The following ERBB4 variants were observed in gnomAD, a reference collection of about 807,000 sequenced individuals.
ERBB4 encodes erb-b2 receptor tyrosine kinase 4.
In ERBB4, 42 loss-of-function variants were observed where a neutral mutation model predicts 158.0. That is an observed-to-expected ratio of 0.27 (90% CI 0.21 to 0.34). The LOEUF is 0.34. Among genes scored for constraint, ERBB4 ranks in the 10% least tolerant of loss-of-function variants. The pLI, the probability that ERBB4 is intolerant of heterozygous loss-of-function variation, is 1.00. For missense variants in ERBB4, 1,333 were observed against 1,624.1 expected, an observed-to-expected ratio of 0.82 and a Z score of 3.08; for synonymous variants, 583 against 558.7, an observed-to-expected ratio of 1.04 and a Z score of -0.61.
At chr2:211,876,194 C>A (rs2106131867) in intron 3 of ERBB4, among the ~76,000 whole-genome samples, 1 of 152,162 alleles carries the variant, frequency 6.6e-6, no homozygotes, top group South Asian at 2.1e-4. Context: ...TCACATTTTG[C>A]CAAAATATTG....
intron 16 of ERBB4, among the ~76,000 whole-genome samples, chr2:211,648,186 T>C (rs1253959300): frequency 6.6e-6 from 1 of 151,848 alleles, no homozygotes; most frequent in Non-Finnish European, 1.5e-5. Flanking sequence ...ATTTTCCTCA[T>C]AAAATTTGTT....
intron 1 of ERBB4, among the ~76,000 whole-genome samples, chr2:212,161,009 A>G (rs2081187867): frequency 6.6e-6 from 1 of 152,140 alleles, no homozygotes; most frequent in African/African-American, 2.4e-5. Flanking sequence ...AGAAAGAAAA[A>G]TATGCATCAC....
chr2:212,269,872 A>C (rs998650765), intron 1 of ERBB4, among the ~76,000 whole-genome samples: 1 of 151,804 alleles, frequency 6.6e-6, no homozygotes, highest in African/African-American at 2.4e-5. Context: ...TTCTCTGTCC[A>C]TAATTAGGCT....
chr2:212,502,853 C>T (rs1472891762), intron 1 of ERBB4, among the ~76,000 whole-genome samples: 6 of 152,142 alleles, frequency 3.9e-5, no homozygotes, highest in Non-Finnish European at 1.5e-5. Context: ...TCAGTGCAGC[C>T]TCAACCTCCT....
At chr2:212,368,245 C>A (rs1380778160) in intron 1 of ERBB4, among the ~76,000 whole-genome samples, 1 of 152,062 alleles carries the variant, frequency 6.6e-6, no homozygotes, top group Non-Finnish European at 1.5e-5. Flanking sequence ...ACTACAGAGC[C>A]ATAAAAAGGA....
chr2:211,599,513 C>G (rs78744991), intron 19 of ERBB4, among the ~76,000 whole-genome samples: 8,005 of 140,862 alleles, frequency 0.057, 774 homozygotes, highest in African/African-American at 0.2. Flanking sequence ...ATAATTTCTT[C>G]TGTGTGTGTG....
chr2:212,331,894 T>C (rs1451598023), intron 1 of ERBB4, among the ~76,000 whole-genome samples: 1 of 152,184 alleles, frequency 6.6e-6, no homozygotes, highest in South Asian at 2.1e-4. Flanking sequence ...AATTCAATAT[T>C]TAAGCAGAAT....
At chr2:212,524,035 C>G (rs1467358640) in intron 1 of ERBB4, among the ~76,000 whole-genome samples, 1 of 151,942 alleles carries the variant, frequency 6.6e-6, no homozygotes, top group East Asian at 1.9e-4. Flanking sequence ...ACAGCCCTCC[C>G]TAGCTATTGA....
chr2:212,427,938 G>A lies in ERBB4; in HGVS notation c.82+110511C>T, dbSNP rs1002581295. Among the ~76,000 whole-genome samples the A allele has an allele frequency of 1.1e-4, 16 of 152,132 alleles. 1 individual carries two copies. The highest frequency in any genetic ancestry group is 2.4e-4 in the Non-Finnish European group (16 of 68,018). ...AATGCAAATTCTGCAAGCTTCACTT[G>A]CATAGATCTGATCATTTTTTAAAGT... On this transcript the variant is annotated intron_variant, in intron 1 of 27. Transcript: ENST00000342788.
chr2:212,144,872 T>A (rs2080612099), intron 1 of ERBB4, among the ~76,000 whole-genome samples: 2 of 152,208 alleles, frequency 1.3e-5, no homozygotes, highest in African/African-American at 2.4e-5. Flanking sequence ...GCAAAATTTT[T>A]AAAAGATGTT....
chr2:212,259,752 G>A (rs777117513), intron 1 of ERBB4, among the ~76,000 whole-genome samples: 33 of 152,144 alleles, frequency 2.2e-4, no homozygotes, highest in Non-Finnish European at 4.3e-4. Context: ...TTCTACCGAT[G>A]GAAAGAATAA....
rs528378017 is a variant in ERBB4 at position 211,655,305 on chromosome 2, C to T, written c.1946+2449G>A. On this transcript the variant is annotated intron_variant, in intron 16 of 27. Coordinates refer to ENST00000342788, the MANE Select transcript of ERBB4 (RefSeq NM_005235.3). ...ACCTCTCTCCTTCCCCCGGGAAGCA[C>T]GTTCTCTCACCCTCAAGGTTTGAGA... 3.9e-5 allele frequency among the ~76,000 whole-genome samples: 6 copies of T among 152,236 alleles called. No homozygotes were observed. In the South Asian group the frequency reaches 6.2e-4, roughly 16 times the overall value.
At chr2:211,829,263 T>C (rs917538861) in intron 3 of ERBB4, among the ~76,000 whole-genome samples, 3 of 152,156 alleles carry the variant, frequency 2.0e-5, no homozygotes, top group Non-Finnish European at 4.4e-5. Context: ...TTTCATTGCG[T>C]CCATATATAA....
chr2:212,030,737 T>C (rs2076883717), intron 2 of ERBB4, among the ~76,000 whole-genome samples: 1 of 152,120 alleles, frequency 6.6e-6, no homozygotes, highest in Non-Finnish European at 1.5e-5. Context: ...ATCCACCAAG[T>C]TCAATAATTG....
chr2:211,722,088 C>T (rs1471344102), intron 7 of ERBB4, among the ~76,000 whole-genome samples: 1 of 152,136 alleles, frequency 6.6e-6, no homozygotes, highest in Non-Finnish European at 1.5e-5. Flanking sequence ...GTCTCGAACT[C>T]CTGACCTCAG....
chr2:212,367,283 G>A (rs934705174), intron 1 of ERBB4, among the ~76,000 whole-genome samples: 11 of 151,978 alleles, frequency 7.2e-5, no homozygotes, highest in Admixed American at 1.3e-4. Context: ...TTTTAATGTG[G>A]CAGGCCTAGA....
chr2:211,672,120 T>C (rs1273831034), intron 14 of ERBB4, among the ~76,000 whole-genome samples: 1 of 152,176 alleles, frequency 6.6e-6, no homozygotes, highest in Admixed American at 6.5e-5. Flanking sequence ...CACTGGGGCC[T>C]AATGGAAGTC....
At chr2:212,136,065 C>G (rs907381630) in intron 1 of ERBB4, among the ~76,000 whole-genome samples, 2 of 152,140 alleles carry the variant, frequency 1.3e-5, no homozygotes, top group Non-Finnish European at 2.9e-5. Flanking sequence ...TAATAAAAAC[C>G]AGCCTGATTG....
Position 211,497,627 on chromosome 2 carries a change from C to A in ERBB4, c.2487+64276G>T, listed in dbSNP as rs13005140. Among the ~76,000 whole-genome samples, 17 of 151,976 alleles carry A rather than the reference C, an allele frequency of 1.1e-4. No homozygotes were observed. In the East Asian group the frequency reaches 3.1e-3, roughly 28 times the overall value. ...ACCACACAAAGGAAACAGGCACATA[C>A]ATTGAGTTTAAGGCAAGAAAAATTG... On this transcript the variant is annotated intron_variant, in intron 20 of 27. Transcript: ENST00000342788.
Sources: allele counts gnomAD v4.1 joint callset (sites outside exome capture counted in the v4.1 genomes callset), GRCh38; gene constraint gnomAD v4.1.1; transcripts MANE v1.5; gene names NCBI Gene and HGNC (gene_info 2026-07-23, HGNC 2026-07-21).